The following RNF212 variants were observed in gnomAD, a reference collection of about 807,000 sequenced individuals.
The protein encoded by RNF212 is probable E3 SUMO-protein ligase RNF212.
Under a neutral mutation model 34.7 loss-of-function variants are expected in RNF212, and 33 were observed. The observed-to-expected ratio is 0.95, with a 90% CI of 0.72 to 1.27. The LOEUF (loss-of-function observed/expected upper bound fraction) is 1.27. RNF212 is among the 50% of genes most tolerant of loss of function. The pLI, the probability that RNF212 is intolerant of heterozygous loss-of-function variation, is 0.00. For synonymous variants in RNF212, 140 were observed against 136.1 expected, an observed-to-expected ratio of 1.03 and a Z score of -0.20; for missense variants, 377 against 362.2, an observed-to-expected ratio of 1.04 and a Z score of -0.33.
At chr4:1,093,372 T>C (rs1223605419) in intron 3 of RNF212, 4 of 1,170,058 alleles carry the variant, frequency 3.4e-6, no homozygotes, top group Non-Finnish European at 3.3e-6. Flanking sequence ...TGTTAACATA[T>C]TGTAACAAAT....
In RNF212 at chr4:1,065,756, T is replaced by C. The variant is rs375649171; in HGVS notation, n.148-7363A>G. ...TGTGTGCCACCACACCTGGCTAGTT[T>C]TGGCATTTTTAGTAGAAACAGGTTT... On this transcript the variant is annotated intron_variant and non_coding_transcript_variant, in intron 3 of 4. Transcript: ENST00000503206. Among the ~76,000 whole-genome samples the C allele has an allele frequency of 2.1e-4, 31 of 145,156 alleles. No homozygotes were observed. In the East Asian group the frequency reaches 3.9e-3, roughly 18 times the overall value.
At chr4:1,065,210 C>T (rs1378406109) in intron 3 of RNF212, among the ~76,000 whole-genome samples, 1 of 152,226 alleles carries the variant, frequency 6.6e-6, no homozygotes, top group East Asian at 1.9e-4. Context: ...AAAGGCCACA[C>T]TGTTTTCCAC....
At chr4:1,085,214 T>C (rs1326394867) in intron 5 of RNF212, among the ~76,000 whole-genome samples, 2 of 152,374 alleles carry the variant, frequency 1.3e-5, no homozygotes, top group Non-Finnish European at 2.9e-5. Context: ...CATCTGTGTA[T>C]GACTGTGGTA....
chr4:1,094,081 G>C (rs973495197), intron 3 of RNF212: 1 of 1,464,642 alleles, frequency 6.8e-7, no homozygotes, highest in African/African-American at 1.4e-5. Flanking sequence ...TGGGGACCTG[G>C]CTGACCACAG....
chr4:1,056,982 A>G (rs1717363196), intron 4 of RNF212: 1 of 987,828 alleles, frequency 1.0e-6, no homozygotes, highest in Non-Finnish European at 1.2e-6. Context: ...GGTCCCTTGT[A>G]GGGAATTTGC....
intron 9 of RNF212, 57 bp downstream of exon 9, chr4:1,073,542 G>A: frequency 8.9e-6 from 11 of 1,241,732 alleles, no homozygotes; most frequent in Non-Finnish European, 1.3e-5. Flanking sequence ...GACCTTTCAG[G>A]GAATGCATTT....
Position 1,058,689 on chromosome 4 carries a change from T to A in RNF212, n.148-296A>T, listed in dbSNP as rs767361407. On this transcript the variant is annotated intron_variant and non_coding_transcript_variant, in intron 3 of 4. Coordinates refer to the RNF212 transcript ENST00000503206. ...TGCAGCTTAGAGAATATGTAAGCCA[T>A]CTGAATCATCAGCAGCTGGATAGCA... 1.4e-4 allele frequency among the ~76,000 whole-genome samples: 22 copies of A among 152,306 alleles called. No homozygotes were observed. The Middle Eastern group carries it at 0.01, about 71-fold the overall frequency.
chr4:1,085,118 T>C (rs1434889875), intron 5 of RNF212, among the ~76,000 whole-genome samples: 1 of 152,196 alleles, frequency 6.6e-6, no homozygotes, highest in East Asian at 1.9e-4. Context: ...TCGACCTCCA[T>C]GTTAGTAGCA....
chr4:1,073,165 G>A lies in RNF212; in HGVS notation c.603C>T (p.Phe201=), dbSNP rs1360483075. The A allele has an allele frequency of 6.2e-7, 1 of 1,613,952 alleles. No homozygotes were observed. Among genetic ancestry groups the A allele is most frequent in the African/African-American group, 1.3e-5 (1 of 74,904 alleles). The change falls in exon 10 of 10, where the codon TTC becomes TTT. Residue 201 remains phenylalanine, a synonymous_variant. Transcript: ENST00000433731. ...MGPHLTASFC[F]IPWLTLSKPP... is the part of the protein sequence containing the mutation. ...GCTTAGACAAGGTCAACCATGGGAT[G>A]AAACAGAAAGAAGCTGTTAGATGTG... is the stretch of plus-strand genomic sequence containing the variant.
chr4:1,103,019 C>G (rs1724271428), intron 2 of RNF212, among the ~76,000 whole-genome samples: 1 of 151,380 alleles, frequency 6.6e-6, no homozygotes, highest in South Asian at 2.1e-4. Context: ...ACATTTGGCA[C>G]ACTGGTCAAG....
intron 8 of RNF212, among the ~76,000 whole-genome samples, chr4:1,077,870 G>T (rs1719578258): frequency 1.3e-5 from 2 of 152,244 alleles, no homozygotes; most frequent in African/African-American, 4.8e-5. Context: ...CCCTCTGGAA[G>T]CACAGCTCCC....
intron 5 of RNF212, 189 bp downstream of exon 5, chr4:1,085,707 T>G (rs1298910879): frequency 6.7e-6 from 4 of 599,054 alleles, no homozygotes; most frequent in South Asian, 4.1e-5. Context: ...ACTTTTTCTT[T>G]TTTGTCTCCC....
At chr4:1,059,704 T>C (rs77048510) in intron 3 of RNF212, among the ~76,000 whole-genome samples, 2,048 of 152,318 alleles carry the variant, frequency 0.013, 51 homozygotes, top group African/African-American at 0.047. Context: ...CACCAGTGAT[T>C]AAAACAAAAC....
At chr4:1,086,123 A>T (rs1340083644) in intron 4 of RNF212, among the ~76,000 whole-genome samples, 169 bp from the exon 5 acceptor site, 1 of 152,226 alleles carries the variant, frequency 6.6e-6, no homozygotes, top group Non-Finnish European at 1.5e-5. Context: ...GACACTTAGG[A>T]AATCGGCCTT....
At chr4:1,070,030 A>G (rs6599280), downstream of RNF212, among the ~76,000 whole-genome samples, 119,461 of 146,300 alleles carry the variant, frequency 0.82, 48,778 homozygotes, top group African/African-American at 0.93. Context: ...CCTGAGTTAC[A>G]GGTGGTTTCG....
At chr4:1,093,954 C>T in intron 3 of RNF212, 1 of 1,536,200 alleles carries the variant, frequency 6.5e-7, no homozygotes, top group South Asian at 1.2e-5. Context: ...CTGGGCACCT[C>T]CTTGGAGGAT....
intron 3 of RNF212, among the ~76,000 whole-genome samples, chr4:1,061,093 G>A (rs562804793): frequency 1.5e-4 from 23 of 152,342 alleles, no homozygotes; most frequent in African/African-American, 5.1e-4. Flanking sequence ...ACTGACTCCT[G>A]AAATCCCGTT....
intron 8 of RNF212, 68 bp from the exon 9 acceptor site, chr4:1,073,730 C>A: frequency 9.7e-7 from 1 of 1,033,466 alleles, no homozygotes; most frequent in Non-Finnish European, 1.5e-6. Context: ...CGGACTCCCA[C>A]TGTCTGTTAG....
intron 3 of RNF212, among the ~76,000 whole-genome samples, chr4:1,094,275 C>T (rs2153054623): frequency 6.6e-6 from 1 of 152,228 alleles, no homozygotes; most frequent in Non-Finnish European, 1.5e-5. Flanking sequence ...AGGGGAAGGA[C>T]CCCTTCCTCT....
Sources: gnomAD v4.1 joint callset for allele counts (sites outside exome capture counted in the v4.1 genomes callset) on GRCh38, gnomAD v4.1.1 for gene constraint, MANE v1.5 for transcripts, NCBI Gene and HGNC (gene_info 2026-07-23, HGNC 2026-07-21) for gene names.